Variants in TMPRSS15 observed in about 807,000 individuals in gnomAD.
TMPRSS15 encodes enteropeptidase.
TMPRSS15 carries 128 observed loss-of-function variants against 125.3 expected under a neutral mutation model. That is an observed-to-expected ratio of 1.02 (90% CI 0.89 to 1.18). The LOEUF is 1.18. TMPRSS15 is among the 50% of genes most tolerant of loss of function. The probability of loss-of-function intolerance (pLI) is 0.00; values close to 1 mark genes in which losing one functional copy is unlikely to be tolerated. For missense variants in TMPRSS15, 1,283 were observed against 1,212.7 expected, an observed-to-expected ratio of 1.06 and a Z score of -0.86; for synonymous variants, 446 against 423.2, an observed-to-expected ratio of 1.05 and a Z score of -0.66.
intron 6 of TMPRSS15, among the ~76,000 whole-genome samples, chr21:18,365,950 G>T (rs1284106310): frequency 4.0e-5 from 6 of 151,644 alleles, no homozygotes; most frequent in African/African-American, 9.7e-5. Flanking sequence ...GGCCAGGCTG[G>T]TCTCGATCTC....
At chr21:18,326,270 A>C (rs944460856) in intron 16 of TMPRSS15, among the ~76,000 whole-genome samples, 162 bp downstream of exon 16, 1 of 152,194 alleles carries the variant, frequency 6.6e-6, no homozygotes, top group Non-Finnish European at 1.5e-5. Context: ...AGGTAACGGT[A>C]CTACAGATGT....
At chr21:18,330,317 C>T (rs562868892) in intron 14 of TMPRSS15, among the ~76,000 whole-genome samples, 2 of 152,190 alleles carry the variant, frequency 1.3e-5, no homozygotes, top group African/African-American at 2.4e-5. Flanking sequence ...CCCTTACCAT[C>T]GATCTCTGAT....
chr21:18,449,264 T>A (rs2076262367), intron 1 of TMPRSS15, among the ~76,000 whole-genome samples: 1 of 152,112 alleles, frequency 6.6e-6, no homozygotes, highest in Non-Finnish European at 1.5e-5. Context: ...AAACCCACCT[T>A]GCACATATTC....
At chr21:18,426,062 T>G (rs1463245459) in intron 1 of TMPRSS15, among the ~76,000 whole-genome samples, 1 of 152,138 alleles carries the variant, frequency 6.6e-6, no homozygotes, top group Non-Finnish European at 1.5e-5. Context: ...CTGCATACCT[T>G]TCTCTGTAAT....
chr21:18,453,016 G>T (rs1248679947), intron 1 of TMPRSS15, among the ~76,000 whole-genome samples: 7 of 152,114 alleles, frequency 4.6e-5, no homozygotes, highest in Non-Finnish European at 1.0e-4. Flanking sequence ...TTAACTATAA[G>T]GACTGTTATA....
At chr21:18,331,544 C>T (rs2075345744) in intron 14 of TMPRSS15, among the ~76,000 whole-genome samples, 1 of 152,084 alleles carries the variant, frequency 6.6e-6, no homozygotes, top group South Asian at 2.1e-4. Context: ...TTTTAGTGAT[C>T]TTTCTTATAA....
At chr21:18,280,463 C>A (rs2074678721) in intron 22 of TMPRSS15, among the ~76,000 whole-genome samples, 1 of 151,396 alleles carries the variant, frequency 6.6e-6, no homozygotes, top group South Asian at 2.1e-4. Flanking sequence ...CACCCGTAGT[C>A]TACCTGGGAG....
chr21:18,440,938 T>A (rs1376584961), intron 1 of TMPRSS15, among the ~76,000 whole-genome samples: 1 of 152,198 alleles, frequency 6.6e-6, no homozygotes, highest in African/African-American at 2.4e-5. Context: ...CTAACAGCAA[T>A]TGTTTAGATG....
intron 1 of TMPRSS15, among the ~76,000 whole-genome samples, chr21:18,482,443 T>G (rs1978998921): frequency 6.6e-6 from 1 of 151,540 alleles, no homozygotes; most frequent in African/African-American, 2.4e-5. Context: ...GACTTGAATT[T>G]TTCACAAATA....
chr21:18,435,979 C>T (rs1348694270), intron 1 of TMPRSS15, among the ~76,000 whole-genome samples: 11 of 148,144 alleles, frequency 7.4e-5, no homozygotes, highest in African/African-American at 2.7e-4. Flanking sequence ...GTGGTGATAT[C>T]CCCTTTATCA....
intron 3 of TMPRSS15, among the ~76,000 whole-genome samples, chr21:18,384,738 T>C (rs971064492): frequency 1.3e-5 from 2 of 152,196 alleles, no homozygotes; most frequent in Non-Finnish European, 2.9e-5. Context: ...AGACACAGAC[T>C]AGGGCAAACT....
chr21:18,349,714 T>C (rs905899269), intron 10 of TMPRSS15, among the ~76,000 whole-genome samples: 2 of 152,182 alleles, frequency 1.3e-5, no homozygotes, highest in African/African-American at 4.8e-5. Context: ...GTCCTCATTA[T>C]ATGACTTGTC....
intron 1 of TMPRSS15, among the ~76,000 whole-genome samples, chr21:18,434,047 C>A (rs1372717907): frequency 6.6e-6 from 1 of 152,142 alleles, no homozygotes; most frequent in African/African-American, 2.4e-5. Flanking sequence ...TATACTACTG[C>A]TCTGCGGTGC....
At chr21:18,329,137 C>T (rs566996685) in intron 15 of TMPRSS15, 32 bp downstream of exon 15, 3 of 1,610,156 alleles carry the variant, frequency 1.9e-6, no homozygotes, top group Non-Finnish European at 2.5e-6. Context: ...TTGAGCTTTA[C>T]AACCTTTACA....
chr21:18,360,791 G>C (rs920718270), intron 7 of TMPRSS15, among the ~76,000 whole-genome samples: 5 of 151,776 alleles, frequency 3.3e-5, no homozygotes, highest in African/African-American at 9.7e-5. Context: ...TACATTTTTG[G>C]ATTTTTTTTC....
chr21:18,288,553 T>TGGA (rs377022765), intron 21 of TMPRSS15, among the ~76,000 whole-genome samples: 1 of 98,690 alleles, frequency 1.0e-5, no homozygotes, highest in African/African-American at 4.4e-5. Flanking sequence ...TTTTTTTTTT[T>TGGA]GAGATGGAGT....
chr21:18,278,084 T>C (rs913244692), intron 23 of TMPRSS15, among the ~76,000 whole-genome samples: 90 of 152,228 alleles, frequency 5.9e-4, no homozygotes, highest in Non-Finnish European at 2.6e-4. Context: ...CTGAGCCCTC[T>C]TGTCAGTAAG....
intron 21 of TMPRSS15, among the ~76,000 whole-genome samples, chr21:18,284,725 G>T (rs1027171889): frequency 6.6e-6 from 1 of 152,168 alleles, no homozygotes; most frequent in Non-Finnish European, 1.5e-5. Flanking sequence ...CAAAGATAGG[G>T]CATCTTCAGA....
chr21:18,362,418 C>T (rs769517624), intron 7 of TMPRSS15, among the ~76,000 whole-genome samples: 16 of 152,210 alleles, frequency 1.1e-4, no homozygotes, highest in African/African-American at 2.4e-4. Context: ...CCCCCTAGGA[C>T]GCTTTGCTTT....
Sources: gnomAD v4.1 joint callset for allele counts (sites outside exome capture counted in the v4.1 genomes callset) on GRCh38, gnomAD v4.1.1 for gene constraint, MANE v1.5 for transcripts, NCBI Gene and HGNC (gene_info 2026-07-23, HGNC 2026-07-21) for gene names.